HDAC7: variants seen among roughly 807,000 people sequenced by gnomAD.
The protein encoded by HDAC7 is histone deacetylase 7, also known as histone deacetylase 7A.
In HDAC7, 26 loss-of-function variants were observed where a neutral mutation model predicts 115.5. The ratio of observed to expected loss-of-function variants is 0.23; its 90% CI spans 0.16 to 0.31. The LOEUF (loss-of-function observed/expected upper bound fraction) is 0.31, where lower values mean the gene tolerates loss of function less well. Among genes scored for constraint, HDAC7 ranks in the 10% least tolerant of loss-of-function variants. The pLI is 1.00. For missense variants in HDAC7, 1,068 were observed against 1,329.0 expected (o/e 0.80, Z 3.05); for synonymous variants, 564 against 550.9 (o/e 1.02, Z -0.33).
intron 1 of HDAC7, among the ~76,000 whole-genome samples, chr12:47,814,246 G>A (rs1042786877): frequency 2.6e-5 from 4 of 152,136 alleles, no homozygotes; most frequent in Non-Finnish European, 2.9e-5. Flanking sequence ...CCTCCCTTGA[G>A]CCCTGTCCTC....
At chr12:47,800,516 C>T (rs552965323) in intron 2 of HDAC7, among the ~76,000 whole-genome samples, 3 of 152,318 alleles carry the variant, frequency 2.0e-5, no homozygotes, top group East Asian at 3.9e-4. Flanking sequence ...ACCCAGATGC[C>T]GCCCGCAGTA....
In HDAC7 at chr12:47,803,489, C is replaced by T. The variant is rs894710621; in HGVS notation, c.20-1215G>A. ...TCAAACCAGCCCATGCTTTGGGTAA[C>T]AAAGTTCGGTCCGAAAATGCTGCTC... On this transcript the variant is annotated intron_variant, in intron 1 of 25. Coordinates refer to ENST00000080059, the MANE Select transcript of HDAC7 (RefSeq NM_015401.5). This position sits in a 1 kb window ranked among gnomAD's most constrained non-coding sequence, Gnocchi z 4.0. Among the ~76,000 whole-genome samples the T allele has an allele frequency of 6.6e-6, 1 of 152,168 alleles. No homozygotes were observed. The highest frequency in any genetic ancestry group is 1.5e-5 in the Non-Finnish European group (1 of 68,030).
chr12:47,804,023 G>A (rs895822626), intron 1 of HDAC7, among the ~76,000 whole-genome samples: 3 of 152,180 alleles, frequency 2.0e-5, no homozygotes, highest in African/African-American at 7.2e-5. Flanking sequence ...CAGCATTCAT[G>A]CTTGGGAGCA....
At chr12:47,785,931 TG>T (rs756935827) in intron 22 of HDAC7, 46 bp from the exon 23 acceptor site, 4 of 1,536,552 alleles carry the variant, frequency 2.6e-6, no homozygotes. Context: ...AGTGGAGAGG[TG>T]ACCCTGTTCT....
intron 21 of HDAC7, among the ~76,000 whole-genome samples, chr12:47,786,916 C>G (rs569665723): frequency 6.6e-6 from 1 of 152,308 alleles, no homozygotes; most frequent in African/African-American, 2.4e-5. Flanking sequence ...GGGGACTTAA[C>G]TAGCAAGAGG....
chr12:47,791,821 C>CCAAA, intron 14 of HDAC7, 50 bp downstream of exon 14: 6 of 1,540,362 alleles, frequency 3.9e-6, no homozygotes, highest in Non-Finnish European at 5.3e-6. Context: ...CCTCCCCTCC[C>CCAAA]ATGACTCCTC....
intron 16 of HDAC7, 59 bp from the exon 17 acceptor site, chr12:47,789,979 C>T (rs1943391271): frequency 3.0e-6 from 4 of 1,336,822 alleles, no homozygotes; most frequent in Admixed American, 1.7e-5. Context: ...AGCCAGGGCC[C>T]AAGGGGGTGG....
At chr12:47,796,646 A>T (rs767793483) in intron 7 of HDAC7, among the ~76,000 whole-genome samples, 5 of 150,922 alleles carry the variant, frequency 3.3e-5, no homozygotes, top group Non-Finnish European at 7.4e-5. Flanking sequence ...CTGGTCTCAA[A>T]CTCCTAACCT....
Position 47,783,600 on chromosome 12 carries a change from C to T in HDAC7, c.*241G>A, listed in dbSNP as rs1005352166. The T allele has an allele frequency of 1.4e-5, 8 of 555,504 alleles. No individual in the cohort carries two copies. The highest frequency in any genetic ancestry group is 1.3e-4 in the East Asian group (4 of 31,650). The allele number at this position is 555,504 out of a possible 1,614,324, so 34.4% of individuals were successfully genotyped here. The stretch of plus-strand genomic sequence containing the variant: ...CATACTGGAGGGGAGAATCTGTTCT[C>T]GAGAGCCCTGTGGGGGTCGCCGCCC... On this transcript the variant is annotated 3_prime_UTR_variant, in exon 26 of 26. Coordinates refer to ENST00000080059, the MANE Select transcript of HDAC7 (RefSeq NM_015401.5).
Position 47,803,092 on chromosome 12 carries a change from G to C in HDAC7, c.20-818C>G, listed in dbSNP as rs571020421. Among the ~76,000 whole-genome samples, 3 of 152,362 alleles carry C rather than the reference G, an allele frequency of 2.0e-5. No homozygotes were observed. The East Asian group carries it at 5.8e-4, about 29-fold the overall frequency. On this transcript the variant is annotated intron_variant, in intron 1 of 25. Coordinates refer to ENST00000080059, the MANE Select transcript of HDAC7 (RefSeq NM_015401.5). This position sits in a 1 kb window ranked among gnomAD's most constrained non-coding sequence, Gnocchi z 4.0. ...AAAACCTATAGTAGGGCCCAAGCTG[G>C]TCAGCAGCAGAAAGCCCCCAGGGGA...
chr12:47,789,149 G>C (rs1943335944), intron 19 of HDAC7, 112 bp downstream of exon 19: 1 of 827,898 alleles, frequency 1.2e-6, no homozygotes, highest in African/African-American at 1.7e-5. Flanking sequence ...GGGAAACTGA[G>C]GCTCAGAGAG....
chr12:47,785,948 CCT>C, intron 22 of HDAC7, 63 bp from the exon 23 acceptor site: 1 of 1,455,944 alleles, frequency 6.9e-7, no homozygotes. Context: ...GTTCTCTACC[CCT>C]GTGGCTTCCC....
intron 13 of HDAC7, 142 bp from the exon 14 acceptor site, chr12:47,792,146 G>T: frequency 1.1e-6 from 1 of 936,140 alleles, no homozygotes; most frequent in Non-Finnish European, 1.6e-6. Context: ...ACACAGGCCT[G>T]CATTTCATCC....
chr12:47,805,849 G>C (rs1944379400), intron 1 of HDAC7, among the ~76,000 whole-genome samples: 1 of 152,180 alleles, frequency 6.6e-6, no homozygotes, highest in Non-Finnish European at 1.5e-5. Context: ...CCCAAATGCA[G>C]GTACTACTTC....
chr12:47,805,946 T>A (rs1163158491), intron 1 of HDAC7, among the ~76,000 whole-genome samples: 1 of 152,220 alleles, frequency 6.6e-6, no homozygotes, highest in Non-Finnish European at 1.5e-5. Flanking sequence ...GAATACAGCC[T>A]GCAGCCTTAA....
chr12:47,808,795 A>G (rs1944520457), intron 1 of HDAC7, among the ~76,000 whole-genome samples: 1 of 152,116 alleles, frequency 6.6e-6, no homozygotes, highest in Non-Finnish European at 1.5e-5. Context: ...CTGCCCACTT[A>G]GGGAATTCCT....
At chr12:47,789,657 T>C (rs1209014671) in intron 17 of HDAC7, 79 bp from the exon 18 acceptor site, 12 of 1,528,840 alleles carry the variant, frequency 7.8e-6, no homozygotes, top group Non-Finnish European at 1.1e-5. Context: ...AGAGTTCCAA[T>C]CTCAACCTGG....
At chr12:47,804,587 G>C (rs535639305) in intron 1 of HDAC7, among the ~76,000 whole-genome samples, 1 of 151,962 alleles carries the variant, frequency 6.6e-6, no homozygotes, top group South Asian at 2.1e-4. Flanking sequence ...CTAGCACAGG[G>C]CTCTTTGCCA....
At position 47,785,739 on chromosome 12, in the gene HDAC7, G is replaced by A. The variant is rs1213905885; in HGVS notation, c.2706+13C>T. On this transcript the variant is annotated intron_variant, in intron 23 of 25. Transcript: ENST00000080059. ...CCTGACAGAAGCATGGATGGGGGAG[G>A]GAGACGGCTCACCCTGTTACCCAGA... The A allele has an allele frequency of 4.4e-6, 7 of 1,600,042 alleles. No individual in the cohort carries two copies. The highest frequency in any genetic ancestry group is 6.0e-6 in the Non-Finnish European group (7 of 1,173,168).
Sources: allele counts gnomAD v4.1 joint callset (sites outside exome capture counted in the v4.1 genomes callset), GRCh38; gene constraint gnomAD v4.1.1; non-coding constraint Gnocchi (gnomAD v3.1); transcripts MANE v1.5; gene names NCBI Gene and HGNC (gene_info 2026-07-23, HGNC 2026-07-21).